MRPL47: variants seen among roughly 807,000 people sequenced by gnomAD.
The protein encoded by MRPL47 is large ribosomal subunit protein uL29m.
In MRPL47, 31 loss-of-function variants were observed where a neutral mutation model predicts 34.0. That is an observed-to-expected ratio of 0.91 (90% CI 0.68 to 1.23). The LOEUF (loss-of-function observed/expected upper bound fraction) is 1.23. MRPL47 is among the 50% of genes most tolerant of loss of function. MRPL47 has a pLI of 0.00. For missense variants in MRPL47, 328 were observed against 285.8 expected (o/e 1.15, Z -1.07); for synonymous variants, 106 against 101.6 (o/e 1.04, Z -0.26).
In MRPL47 at chr3:179,598,682, A is replaced by G; in HGVS notation, c.395T>C (p.Leu132Ser). The change falls in exon 4 of 7, where the codon TTA becomes TCA. Residue 132 changes from leucine (L) to serine (S), a missense_variant. Coordinates refer to ENST00000476781, the MANE Select transcript of MRPL47 (RefSeq NM_020409.3). Reference protein sequence around the residue: ...QRLPMPSPERLDKVVDSMDAL... With the variant: ...QRLPMPSPERSDKVVDSMDAL... ...GCCTCTCCCAATCCTTACCTTATCT[A>G]ACCGCTCTGGACTTGGCATTGGCAA... 1.2e-6 allele frequency: 2 copies of G among 1,608,608 alleles called. No homozygotes were observed. Among genetic ancestry groups the G allele is most frequent in the Non-Finnish European group, 1.7e-6 (2 of 1,175,132 alleles).
chr3:179,604,445 G>GTTCTCGGC, intron 1 of MRPL47, 82 bp downstream of exon 1: 1 of 1,379,782 alleles, frequency 7.2e-7, no homozygotes, highest in Non-Finnish European at 1.0e-6. Flanking sequence ...TTCTTGAGTT[G>GTTCTCGGC]TTCTCGGCAT....
At chr3:179,595,234 G>C (rs1041265042) in intron 4 of MRPL47, among the ~76,000 whole-genome samples, 18 of 152,034 alleles carry the variant, frequency 1.2e-4, no homozygotes, top group Non-Finnish European at 2.2e-4. Flanking sequence ...TTTTGGTAGA[G>C]ACAGGGTTTT....
intron 1 of MRPL47, among the ~76,000 whole-genome samples, chr3:179,603,948 G>C (rs546544510): frequency 6.8e-6 from 1 of 146,400 alleles, no homozygotes; most frequent in Non-Finnish European, 1.5e-5. Flanking sequence ...TTCTTAAAAA[G>C]CTAATCTCAT....
At chr3:179,589,134 A>G (rs1718603702) in intron 6 of MRPL47, 139 bp from the exon 7 acceptor site, 2 of 793,862 alleles carry the variant, frequency 2.5e-6, no homozygotes, top group African/African-American at 1.7e-5. Context: ...ATATATTATT[A>G]AACTTGAATA....
chr3:179,596,050 T>G (rs1316017323), intron 4 of MRPL47, among the ~76,000 whole-genome samples: 2 of 152,246 alleles, frequency 1.3e-5, no homozygotes, highest in African/African-American at 2.4e-5. Flanking sequence ...ATTTGTGTGA[T>G]AAATAGATAC....
At chr3:179,597,066 A>C (rs1171608530) in intron 4 of MRPL47, among the ~76,000 whole-genome samples, 6 of 152,248 alleles carry the variant, frequency 3.9e-5, no homozygotes, top group Non-Finnish European at 8.8e-5. Flanking sequence ...CTGTGTATGG[A>C]GGACTGATAG....
chr3:179,595,076 A>G (rs538372257), intron 4 of MRPL47, among the ~76,000 whole-genome samples: 40 of 152,050 alleles, frequency 2.6e-4, no homozygotes, highest in African/African-American at 9.4e-4. Flanking sequence ...GACAGGGTCT[A>G]GCTCTGTCAG....
chr3:179,597,596 C>A (rs1009238962), intron 4 of MRPL47, among the ~76,000 whole-genome samples: 3 of 152,254 alleles, frequency 2.0e-5, no homozygotes, highest in Non-Finnish European at 4.4e-5. Flanking sequence ...ATCACGAGGT[C>A]AGGAGTTCAA....
At chr3:179,604,414 GC>G in intron 1 of MRPL47, 112 bp downstream of exon 1, 1 of 1,003,188 alleles carries the variant, frequency 1.0e-6, no homozygotes, top group Non-Finnish European at 1.5e-6. Flanking sequence ...CTCCGGCTCT[GC>G]CATCCAGGCG....
rs1475081465 is a variant in MRPL47, at chr3:179,601,804, A to G, written c.245-14T>C. On this transcript the variant is annotated splice_polypyrimidine_tract_variant and intron_variant, in intron 2 of 6. Transcript: ENST00000476781. ...TCCATGCTGCTCCTATTAAAATAATACATAACATGAAATAACATTTCTAGC... is the reference window on the plus strand; with the variant it reads ...TCCATGCTGCTCCTATTAAAATAATGCATAACATGAAATAACATTTCTAGC... The G allele has an allele frequency of 1.3e-6, 2 of 1,587,540 alleles. No individual in the cohort carries two copies. The highest frequency in any genetic ancestry group is 2.2e-5 in the East Asian group (1 of 44,562).
chr3:179,589,265 C>A (rs1471345499), intron 6 of MRPL47, among the ~76,000 whole-genome samples: 1 of 152,030 alleles, frequency 6.6e-6, no homozygotes, highest in African/African-American at 2.4e-5. Flanking sequence ...GCCTTAAGTT[C>A]AATCCTCATA....
intron 1 of MRPL47, among the ~76,000 whole-genome samples, chr3:179,603,546 A>G (rs1718980135): frequency 1.3e-5 from 2 of 152,188 alleles, no homozygotes; most frequent in African/African-American, 4.8e-5. Flanking sequence ...CTCAAAAAAC[A>G]AAAACAAAAA....
At chr3:179,596,146 T>C (rs1401981484) in intron 4 of MRPL47, among the ~76,000 whole-genome samples, 2 of 152,224 alleles carry the variant, frequency 1.3e-5, no homozygotes, top group African/African-American at 2.4e-5. Context: ...TAGCTAACTA[T>C]TGTGCCAGAA....
At chr3:179,598,844 AAATT>A in intron 3 of MRPL47, 73 bp from the exon 4 acceptor site, 1 of 1,094,536 alleles carries the variant, frequency 9.1e-7, no homozygotes, top group East Asian at 2.5e-5. Flanking sequence ...TCTGACATCA[AAATT>A]AATTATCTGT....
At position 179,602,709 on chromosome 3, in the gene MRPL47, C is replaced by T. The variant is rs764890997; in HGVS notation, c.187G>A (p.Gly63Arg). ...GGGTCATCAAAAAATTCTTCTAGTC[C>T]TTTCCTTGACAATGTGGTATGAAGT... Reference protein sequence around the residue: ...RLLHTTLSRKGLEEFFDDPKN... With the variant: ...RLLHTTLSRKRLEEFFDDPKN... Residue 63 changes from glycine (G) to arginine (R), a missense_variant, in exon 2 of 7, where the codon GGA becomes AGA. Gly to Arg is a moderately radical substitution (Grantham distance 125). Transcript: ENST00000476781. The T allele has an allele frequency of 1.2e-6, 2 of 1,612,336 alleles. No individual in the cohort carries two copies. The highest frequency in any genetic ancestry group is 8.5e-7 in the Non-Finnish European group (1 of 1,179,382).
chr3:179,598,431 A>C (rs866148330), intron 4 of MRPL47, among the ~76,000 whole-genome samples: 923 of 55,454 alleles, frequency 0.017, 11 homozygotes, highest in African/African-American at 0.051. Context: ...CACACAAACA[A>C]AAAAAAAAAA....
Position 179,588,314 on chromosome 3 carries a change from A to G in MRPL47, c.*558T>C, listed in dbSNP as rs1421320338. 1.2e-5 allele frequency: 3 copies of G among 257,680 alleles called. No homozygotes were observed. The highest frequency in any genetic ancestry group is 2.2e-5 in the Non-Finnish European group (3 of 138,238). 16.0% of individuals were successfully genotyped at this position (257,680 alleles called of 1,614,324 possible). On this transcript the variant is annotated 3_prime_UTR_variant, in exon 7 of 7. Transcript: ENST00000476781. ...GTGTATTAATTACCAGTGGATTGGT[A>G]GAACTGCTTTTTATTGACTAGTAAA... is the stretch of plus-strand genomic sequence containing the variant.
intron 2 of MRPL47, 45 bp downstream of exon 2, chr3:179,602,607 G>C (rs763851535): frequency 8.1e-6 from 7 of 865,692 alleles, no homozygotes; most frequent in South Asian, 3.0e-5. Context: ...GCGGGGGGGG[G>C]GGTTCCATAA....
chr3:179,594,216 T>C (rs867897041), intron 4 of MRPL47, among the ~76,000 whole-genome samples: 5 of 152,244 alleles, frequency 3.3e-5, no homozygotes, highest in Admixed American at 6.5e-5. Context: ...CTCAATGAGC[T>C]AATAAGAAGT....
Sources: gnomAD v4.1 joint callset for allele counts (sites outside exome capture counted in the v4.1 genomes callset) on GRCh38, gnomAD v4.1.1 for gene constraint, MANE v1.5 for transcripts, NCBI Gene and HGNC (gene_info 2026-07-23, HGNC 2026-07-21) for gene names.